Variants in SPDYA observed in about 807,000 individuals in gnomAD.
The protein encoded by SPDYA is speedy protein A.
SPDYA carries 11 observed loss-of-function variants against 36.7 expected under a neutral mutation model. The ratio of observed to expected loss-of-function variants is 0.30; its 90% CI spans 0.19 to 0.50. The LOEUF is 0.50. Ranked by LOEUF, SPDYA falls within the 20% of genes least tolerant of loss-of-function variation. The pLI, the probability that SPDYA is intolerant of heterozygous loss-of-function variation, is 0.98. For synonymous variants in SPDYA, 115 were observed against 118.7 expected, an observed-to-expected ratio of 0.97 and a Z score of 0.20; for missense variants, 287 against 370.9, an observed-to-expected ratio of 0.77 and a Z score of 1.86.
chr2:28,824,545 C>CTTTTTTTCTTTTTTT (rs1668268914), intron 5 of SPDYA, among the ~76,000 whole-genome samples: 1 of 121,884 alleles, frequency 8.2e-6, no homozygotes, highest in Non-Finnish European at 1.6e-5. Flanking sequence ...TTTTTCTTTT[C>CTTTTTTTCTTTTTTT]TTTCTTTCTT....
chr2:28,834,081 A>AACACACACACACAC (rs56865803), intron 6 of SPDYA, among the ~76,000 whole-genome samples: 65 of 146,978 alleles, frequency 4.4e-4, no homozygotes, highest in African/African-American at 1.6e-3. Flanking sequence ...AAATTGCTAA[A>AACACACACACACAC]ACACACACAC....
chr2:28,819,880 A>T (rs1343533701), intron 4 of SPDYA, among the ~76,000 whole-genome samples: 1 of 42,248 alleles, frequency 2.4e-5, no homozygotes, highest in African/African-American at 7.3e-5. Flanking sequence ...ATATATATAT[A>T]TATATATATA....
intron 3 of SPDYA, among the ~76,000 whole-genome samples, chr2:28,816,530 C>G (rs1288254184): frequency 6.6e-6 from 1 of 151,998 alleles, no homozygotes; most frequent in East Asian, 1.9e-4. Flanking sequence ...AACTTCATAG[C>G]CCATGGCATG....
chr2:28,815,239 G>A (rs1481233133), intron 2 of SPDYA, among the ~76,000 whole-genome samples: 1 of 149,780 alleles, frequency 6.7e-6, no homozygotes, highest in Non-Finnish European at 1.5e-5. Context: ...CCGTAATCAT[G>A]CCAACGTACT....
chr2:28,819,185 G>T (rs1292086598), intron 4 of SPDYA, 79 bp downstream of exon 4: 1 of 1,080,436 alleles, frequency 9.3e-7, no homozygotes, highest in Admixed American at 2.2e-5. Flanking sequence ...GACCTTATAA[G>T]AATTTTCTAT....
chr2:28,849,787 A>T (rs1336014632), intron 7 of SPDYA, 63 bp from the exon 8 acceptor site: 1 of 921,038 alleles, frequency 1.1e-6, no homozygotes, highest in East Asian at 2.6e-5. Context: ...ACAAGCCATT[A>T]TAAGATGTAT....
At position 28,833,898 on chromosome 2, in the gene SPDYA, A is replaced by C. The variant is rs1475476272; in HGVS notation, c.552+4579A>C. 1.3e-5 allele frequency among the ~76,000 whole-genome samples: 2 copies of C among 152,208 alleles called. 1 individual carries two copies. Among genetic ancestry groups the C allele is most frequent in the Admixed American group, 1.3e-4 (2 of 15,284 alleles). ...ATTAAAACCTTTTGTCCTTCAAAGG[A>C]TACCAAGTGAAGAGATGACCTATAA... On this transcript the variant is annotated intron_variant, in intron 6 of 7. Coordinates refer to ENST00000334056, the MANE Select transcript of SPDYA (RefSeq NM_182756.4).
rs1270407764 is a variant in SPDYA, at chr2:28,811,642, C to T, written c.-93+695C>T. 1.3e-5 allele frequency among the ~76,000 whole-genome samples: 2 copies of T among 151,860 alleles called. No homozygotes were observed. Among genetic ancestry groups the T allele is most frequent in the South Asian group, 4.2e-4 (2 of 4,816 alleles). ...CGAGAGCAGCCCACAGCGAAAACCC[C>T]GTCTCTACAAAAAAATAATGAAAAA... On this transcript the variant is annotated intron_variant, in intron 1 of 7. Transcript: ENST00000334056. The surrounding 1 kb of genome is among the most constrained non-coding windows in gnomAD (Gnocchi z 4.2).
chr2:28,817,835 G>GAGC (rs1668025760), intron 3 of SPDYA, among the ~76,000 whole-genome samples: 1 of 82,048 alleles, frequency 1.2e-5, no homozygotes, highest in Admixed American at 2.0e-4. Flanking sequence ...CTGGGTGACA[G>GAGC]AGCAAGACTC....
At chr2:28,824,553 C>CTTTTTTTTTTCTTTTTTT (rs1553315252) in intron 5 of SPDYA, among the ~76,000 whole-genome samples, 7 of 133,290 alleles carry the variant, frequency 5.3e-5, no homozygotes, top group Non-Finnish European at 8.1e-5. Context: ...TTCTTTCTTT[C>CTTTTTTTTTTCTTTTTTT]TTTTTTTTTT....
chr2:28,820,499 T>C (rs1668130487), intron 4 of SPDYA, among the ~76,000 whole-genome samples: 1 of 152,006 alleles, frequency 6.6e-6, no homozygotes, highest in South Asian at 2.1e-4. Context: ...GACAGGAGAA[T>C]TGCTTGATCC....
In SPDYA at chr2:28,850,388, A is replaced by G. The variant is rs779074445; in HGVS notation, c.*447A>G. The G allele has an allele frequency of 1.2e-6, 2 of 1,607,146 alleles. No homozygotes were observed. Among genetic ancestry groups the G allele is most frequent in the Non-Finnish European group, 1.7e-6 (2 of 1,176,546 alleles). The stretch of plus-strand genomic sequence containing the variant: ...ACATAGGGAAATGATCCATATGGAA[A>G]ATCAGAATGCGATTCTTCTGTTGTA... On this transcript the variant is annotated 3_prime_UTR_variant, in exon 8 of 8. Coordinates refer to ENST00000334056, the MANE Select transcript of SPDYA (RefSeq NM_182756.4).
chr2:28,843,602 T>A (rs1037074179), intron 7 of SPDYA, among the ~76,000 whole-genome samples: 1 of 152,068 alleles, frequency 6.6e-6, no homozygotes, highest in Non-Finnish European at 1.5e-5. Context: ...AGCATTCTTT[T>A]TTTTTTAGAT....
chr2:28,836,671 A>G (rs1479370340), intron 6 of SPDYA, among the ~76,000 whole-genome samples: 4 of 152,340 alleles, frequency 2.6e-5, no homozygotes, highest in Middle Eastern at 3.4e-3. Context: ...TCTAAGCTCA[A>G]TGAAATTTTT....
intron 7 of SPDYA, among the ~76,000 whole-genome samples, chr2:28,847,888 CAT>C (rs931119607): frequency 6.6e-6 from 1 of 152,162 alleles, no homozygotes; most frequent in East Asian, 1.9e-4. Flanking sequence ...TAGATACACA[CAT>C]ACTTACCATT....
At position 28,824,713 on chromosome 2, in the gene SPDYA, A is replaced by AT. The variant is rs1328349784; in HGVS notation, c.380+2312dup. Among the ~76,000 whole-genome samples, 998 of 150,406 alleles carry AT rather than the reference A, an allele frequency of 6.6e-3. 8 individuals are homozygous for AT. The highest frequency in any genetic ancestry group is 0.016 in the African/African-American group (657 of 41,040). ...AGGCGCATGCCACCACGCCCGGCTA[A>AT]TTTTTTTTTGTATTTTTAGTAGAGA... On this transcript the variant is annotated intron_variant, in intron 5 of 7. Transcript: ENST00000334056.
intron 7 of SPDYA, among the ~76,000 whole-genome samples, chr2:28,847,745 C>CAAAAAAAA (rs10648612): frequency 1.5e-5 from 2 of 137,448 alleles, no homozygotes; most frequent in Non-Finnish European, 1.5e-5. Flanking sequence ...GACTCTGTCT[C>CAAAAAAAA]AAAAAAAAAA....
intron 6 of SPDYA, among the ~76,000 whole-genome samples, chr2:28,838,820 A>T (rs1310231987): frequency 6.6e-6 from 1 of 152,110 alleles, no homozygotes; most frequent in African/African-American, 2.4e-5. Context: ...AAAAATACAA[A>T]AATTAGCTGG....
At chr2:28,834,650 T>C (rs1668550488) in intron 6 of SPDYA, among the ~76,000 whole-genome samples, 1 of 152,220 alleles carries the variant, frequency 6.6e-6, no homozygotes, top group African/African-American at 2.4e-5. Flanking sequence ...ATTCCATTTA[T>C]ATGAAAGGTC....
Sources: gnomAD v4.1 joint callset for allele counts (sites outside exome capture counted in the v4.1 genomes callset) on GRCh38, gnomAD v4.1.1 for gene constraint, Gnocchi (gnomAD v3.1) non-coding constraint, MANE v1.5 for transcripts, NCBI Gene and HGNC (gene_info 2026-07-23, HGNC 2026-07-21) for gene names.